The following TGFBR2 variants were observed in gnomAD, a reference collection of about 807,000 sequenced individuals.
TGFBR2 encodes transforming growth factor beta receptor 2.
A neutral mutation model predicts 49.0 loss-of-function variants in TGFBR2; 18 were observed. That is an observed-to-expected ratio of 0.37 (90% CI 0.25 to 0.54). The LOEUF (loss-of-function observed/expected upper bound fraction) is 0.54. Ranked by LOEUF, TGFBR2 falls within the 20% of genes least tolerant of loss-of-function variation. The pLI is 0.85. For synonymous variants in TGFBR2, 282 were observed against 275.9 expected (o/e 1.02, Z -0.22); for missense variants, 525 against 722.6 (o/e 0.73, Z 3.13).
intron 3 of TGFBR2, among the ~76,000 whole-genome samples, chr3:30,666,005 G>GT (rs1197543886): frequency 6.6e-6 from 1 of 152,118 alleles, no homozygotes; most frequent in Non-Finnish European, 1.5e-5. Context: ...AATGGTGAGC[G>GT]TAAGTCACAT....
rs563937625 is a variant in TGFBR2, at chr3:30,674,090, C to G, written c.1255-15C>G. 37 of 1,614,140 alleles carry G rather than the reference C, an allele frequency of 2.3e-5. No individual in the cohort carries two copies. The South Asian group carries it at 4.0e-4, about 17-fold the overall frequency. ...GGAATTAAATGATGGGCCTCACTGT[C>G]TGTTTTTGCTATAGGTGGGAACTGC... On this transcript the variant is annotated splice_polypyrimidine_tract_variant and intron_variant, in intron 4 of 6. Coordinates refer to ENST00000295754, the MANE Select transcript of TGFBR2 (RefSeq NM_003242.6).
chr3:30,659,821 G>C (rs1281937844), intron 3 of TGFBR2, among the ~76,000 whole-genome samples: 2 of 151,888 alleles, frequency 1.3e-5, no homozygotes, highest in African/African-American at 4.8e-5. Flanking sequence ...ACACCCATGA[G>C]TAATGGCAAG....
At chr3:30,618,488 G>A (rs954943050) in intron 1 of TGFBR2, among the ~76,000 whole-genome samples, 2 of 151,124 alleles carry the variant, frequency 1.3e-5, no homozygotes, top group South Asian at 2.1e-4. Context: ...CGCCCGCCTC[G>A]GCCTCCCAAA....
At chr3:30,677,424 G>A (rs1699460536) in intron 5 of TGFBR2, among the ~76,000 whole-genome samples, 2 of 152,158 alleles carry the variant, frequency 1.3e-5, no homozygotes, top group Admixed American at 1.3e-4. Context: ...TAAGCCCACA[G>A]TCCTATTTCT....
At chr3:30,659,662 G>T (rs1164737993) in intron 3 of TGFBR2, among the ~76,000 whole-genome samples, 2 of 150,660 alleles carry the variant, frequency 1.3e-5, no homozygotes, top group Non-Finnish European at 3.0e-5. Flanking sequence ...ATCTAGTATG[G>T]ACACAGGCTG....
intron 1 of TGFBR2, among the ~76,000 whole-genome samples, chr3:30,639,518 G>T (rs888025997): frequency 6.6e-6 from 1 of 152,244 alleles, no homozygotes; most frequent in East Asian, 1.9e-4. Context: ...AGACTTGCCA[G>T]CCCCCACAAT....
chr3:30,637,949 G>A (rs751738315), intron 1 of TGFBR2, among the ~76,000 whole-genome samples: 1 of 152,234 alleles, frequency 6.6e-6, no homozygotes, highest in African/African-American at 2.4e-5. Flanking sequence ...TTACAACACA[G>A]CATTATGAGA....
At chr3:30,639,076 G>A (rs1261089352) in intron 1 of TGFBR2, among the ~76,000 whole-genome samples, 6 of 152,216 alleles carry the variant, frequency 3.9e-5, no homozygotes, top group African/African-American at 1.4e-4. Context: ...ACTGGAAGAT[G>A]AGAAATGCCT....
At chr3:30,650,166 G>A in intron 2 of TGFBR2, 104 bp from the exon 3 acceptor site, 1 of 1,204,248 alleles carries the variant, frequency 8.3e-7, no homozygotes, top group South Asian at 1.2e-5. Flanking sequence ...CTTCATGAAG[G>A]AAAAGTATTC....
intron 1 of TGFBR2, among the ~76,000 whole-genome samples, chr3:30,636,478 G>A (rs559880250): frequency 6.6e-6 from 1 of 152,094 alleles, no homozygotes; most frequent in African/African-American, 2.4e-5. Context: ...GCTGTCACTT[G>A]AATGAAAGCT....
intron 5 of TGFBR2, among the ~76,000 whole-genome samples, chr3:30,681,922 G>T (rs1699549126): frequency 1.3e-5 from 2 of 152,216 alleles, no homozygotes; most frequent in Admixed American, 1.3e-4. Context: ...AAGGAAACCA[G>T]TAAAGGATAT....
At chr3:30,650,586 T>G in intron 3 of TGFBR2, 126 bp downstream of exon 3, 1 of 1,044,240 alleles carries the variant, frequency 9.6e-7, no homozygotes, top group Admixed American at 1.8e-5. Context: ...AGGAGCTCAT[T>G]CAGCTGGTGG....
In TGFBR2 at chr3:30,623,112, C is replaced by T. The variant is rs1034913044; in HGVS notation, c.94+16135C>T. 3.3e-5 allele frequency: 25 copies of T among 748,672 alleles called. 1 individual carries two copies. Among genetic ancestry groups the T allele is most frequent in the Non-Finnish European group, 2.1e-5 (9 of 421,378 alleles). 46.4% of individuals were successfully genotyped at this position (748,672 alleles called of 1,614,324 possible). A position where few individuals can be genotyped will look rare whatever the true frequency, so the allele number is the denominator to read the frequency against. On this transcript the variant is annotated intron_variant, in intron 1 of 6. Transcript: ENST00000295754. The stretch of plus-strand genomic sequence containing the variant: ...ATAATCTCACAGTAATAGAAAGCTT[C>T]ATTATTTTCAAAACAGTTTCACTTT...
chr3:30,687,757 G>T (rs1378288589), intron 5 of TGFBR2, among the ~76,000 whole-genome samples: 1 of 152,030 alleles, frequency 6.6e-6, no homozygotes, highest in Non-Finnish European at 1.5e-5. Flanking sequence ...CTCCCAGGTT[G>T]CCCCCTGGAC....
chr3:30,648,460 A>ACACACACACACACACACACACACACC lies in TGFBR2; in HGVS notation c.264-1808_264-1807insCACACACACACACACACACACACCCA, dbSNP rs1553627538. Among the ~76,000 whole-genome samples, 74 of 142,480 alleles carry ACACACACACACACACACACACACACC rather than the reference A, an allele frequency of 5.2e-4. 3 individuals are homozygous for ACACACACACACACACACACACACACC. The highest frequency in any genetic ancestry group is 1.5e-3 in the Admixed American group (21 of 14,222). 93.5% of individuals were successfully genotyped at this position (142,480 alleles called of 152,430 possible). The stretch of plus-strand genomic sequence containing the variant: ...CACACACACACACACACACACACAC[A>ACACACACACACACACACACACACACC]CAAAACTGTGGGGGCAGGGAGGAAG... On this transcript the variant is annotated intron_variant, in intron 2 of 6. Coordinates refer to ENST00000295754, the MANE Select transcript of TGFBR2 (RefSeq NM_003242.6).
intron 1 of TGFBR2, among the ~76,000 whole-genome samples, chr3:30,608,558 C>T (rs779185395): frequency 2.0e-5 from 3 of 152,232 alleles, no homozygotes; most frequent in East Asian, 1.9e-4. Flanking sequence ...GCAGATTTAC[C>T]TTTAGGTTTG....
intron 1 of TGFBR2, among the ~76,000 whole-genome samples, chr3:30,617,942 A>T (rs1575131153): frequency 6.6e-6 from 1 of 152,326 alleles, no homozygotes; most frequent in East Asian, 1.9e-4. Flanking sequence ...TAGCCAAATG[A>T]TCTGCAGTGG....
At chr3:30,631,486 C>A (rs1351463908) in intron 1 of TGFBR2, among the ~76,000 whole-genome samples, 1 of 152,152 alleles carries the variant, frequency 6.6e-6, no homozygotes, top group African/African-American at 2.4e-5. Flanking sequence ...ATCAACCTTA[C>A]ACTTTTTCAT....
Position 30,672,951 on chromosome 3 carries a change from C to A in TGFBR2, c.1254+514C>A, listed in dbSNP as rs1337522432. Among the ~76,000 whole-genome samples the A allele has an allele frequency of 6.6e-6, 1 of 152,212 alleles. No homozygotes were observed. The highest frequency in any genetic ancestry group is 1.5e-5 in the Non-Finnish European group (1 of 68,046). ...AATAAGTACTTGTCGACTGAGTGAG[C>A]ACTTCCACTCTTGAAGCACTCTCAC... On this transcript the variant is annotated intron_variant, in intron 4 of 6. Transcript: ENST00000295754. This position sits in a 1 kb window ranked among gnomAD's most constrained non-coding sequence, Gnocchi z 4.5.
Sources: allele counts gnomAD v4.1 joint callset (sites outside exome capture counted in the v4.1 genomes callset), GRCh38; gene constraint gnomAD v4.1.1; non-coding constraint Gnocchi (gnomAD v3.1); transcripts MANE v1.5; gene names NCBI Gene and HGNC (gene_info 2026-07-23, HGNC 2026-07-21).